CDC27: variants seen among roughly 807,000 people sequenced by gnomAD.
The protein encoded by CDC27 is cell division cycle 27, also known as cell division cycle protein 27 homolog.
Under a neutral mutation model 109.7 loss-of-function variants are expected in CDC27, and 27 were observed. The ratio of observed to expected loss-of-function variants is 0.25; its 90% CI spans 0.18 to 0.34. The LOEUF (loss-of-function observed/expected upper bound fraction) is 0.34. CDC27 is among the 10% of genes least tolerant of loss of function. CDC27 has a pLI of 1.00. For synonymous variants in CDC27, 266 were observed against 333.9 expected, an observed-to-expected ratio of 0.80 and a Z score of 2.22; for missense variants, 579 against 960.2, an observed-to-expected ratio of 0.60 and a Z score of 5.25.
At position 47,158,195 on chromosome 17, in the gene CDC27, C is replaced by T. The variant is rs2063377608; in HGVS notation, c.475+11G>A. The T allele has an allele frequency of 1.5e-6, 2 of 1,378,574 alleles. No homozygotes were observed. Among genetic ancestry groups the T allele is most frequent in the East Asian group, 2.5e-5 (1 of 39,220 alleles). The allele number at this position is 1,378,574 out of a possible 1,614,324, so 85.4% of individuals were successfully genotyped here. A position where few individuals can be genotyped will look rare whatever the true frequency, so the allele number is the denominator to read the frequency against. On this transcript the variant is annotated intron_variant, in intron 5 of 18. Coordinates refer to ENST00000066544, the MANE Select transcript of CDC27 (RefSeq NM_001256.6). ...TGGGAACCCACCCACCTCTCAACCC[C>T]ACCCACCTACCTATTTCACATAATG... is the stretch of plus-strand genomic sequence containing the variant.
chr17:47,160,000 T>TC (rs2063447497), intron 4 of CDC27: 1 of 232,562 alleles, frequency 4.3e-6, no homozygotes, highest in African/African-American at 2.4e-5. Context: ...AACCTCTGCT[T>TC]CTTTTTTTTT....
chr17:47,122,973 A>G (rs1025556289), intron 17 of CDC27, among the ~76,000 whole-genome samples: 9 of 151,988 alleles, frequency 5.9e-5, no homozygotes, highest in Non-Finnish European at 1.3e-4. Flanking sequence ...AGCCTCTACA[A>G]TTCTAAATAT....
chr17:47,128,446 A>G (rs551849059), intron 16 of CDC27, among the ~76,000 whole-genome samples: 1 of 152,278 alleles, frequency 6.6e-6, no homozygotes, highest in African/African-American at 2.4e-5. Flanking sequence ...TCTTTTTTCA[A>G]TACTTGTTTC....
At chr17:47,133,939 C>T (rs888007258) in intron 14 of CDC27, among the ~76,000 whole-genome samples, 4 of 152,004 alleles carry the variant, frequency 2.6e-5, no homozygotes, top group Non-Finnish European at 4.4e-5. Flanking sequence ...TTAGTAGAGA[C>T]GAGGTTTCCC....
At chr17:47,147,435 A>C (rs572051699) in intron 9 of CDC27, among the ~76,000 whole-genome samples, 5,104 of 152,032 alleles carry the variant, frequency 0.034, 142 homozygotes, top group Non-Finnish European at 0.043. Flanking sequence ...AAACAAAAAA[A>C]AAAACACTAG....
At chr17:47,135,720 T>C (rs1464427082) in intron 14 of CDC27, among the ~76,000 whole-genome samples, 2 of 152,118 alleles carry the variant, frequency 1.3e-5, no homozygotes, top group Non-Finnish European at 2.9e-5. Context: ...CAATTTTTGA[T>C]ATGGTTAAGT....
rs1233100430 is a variant in CDC27, at chr17:47,189,069, G to C, written c.27+77C>G. ...AAGCAGCCGGGCCTAGGCCGCACCA[G>C]GCCGCGGAGTGGCCCTACGCTGCTG... On this transcript the variant is annotated intron_variant, in intron 1 of 18. Transcript: ENST00000066544. The C allele has an allele frequency of 3.9e-6, 6 of 1,545,586 alleles. No individual in the cohort carries two copies. In the African/African-American group the frequency reaches 6.8e-5, roughly 18 times the overall value.
chr17:47,142,966 G>A (rs965804901), intron 10 of CDC27, among the ~76,000 whole-genome samples: 4 of 151,872 alleles, frequency 2.6e-5, no homozygotes, highest in African/African-American at 7.3e-5. Context: ...ATGAGCCACC[G>A]TGCCCGGCCT....
rs886299325 is a variant in CDC27 at position 47,143,976 on chromosome 17, T to C, written c.1077A>G (p.Thr359=). Residue 359 remains threonine (T), a synonymous_variant, in exon 10 of 19, where the codon ACA becomes ACG. Coordinates refer to ENST00000066544, the MANE Select transcript of CDC27 (RefSeq NM_001256.6). The stretch of plus-strand genomic sequence containing the variant: ...TAATAGTGGGGCTCAATACCTGAGG[T>C]GTTGTACTAAAAAAAAATTATAAAG... The part of the protein sequence containing the change: ...TQSSGPQTST[T]PQVLSPTITS... The C allele has an allele frequency of 9.9e-6, 14 of 1,418,252 alleles. No homozygotes were observed. The highest frequency in any genetic ancestry group is 1.3e-5 in the Non-Finnish European group (14 of 1,072,832). The allele number at this position is 1,418,252 out of a possible 1,614,324, so 87.9% of individuals were successfully genotyped here.
intron 2 of CDC27, among the ~76,000 whole-genome samples, chr17:47,179,709 A>G (rs2064151512): frequency 6.6e-6 from 1 of 152,176 alleles, no homozygotes; most frequent in African/African-American, 2.4e-5. Context: ...ATATGGTTAA[A>G]CCGAATGGTG....
Position 47,169,954 on chromosome 17 carries a change from C to T in CDC27, c.340G>A (p.Ala114Thr). 1.1e-5 allele frequency: 17 copies of T among 1,598,030 alleles called. No homozygotes were observed. The highest frequency in any genetic ancestry group is 1.4e-5 in the Non-Finnish European group (17 of 1,172,806). The change falls in exon 4 of 19, where the codon GCT becomes ACT. Residue 114 changes from alanine to threonine, a missense_variant. Physicochemically the swap from Ala to Thr is moderately conservative, Grantham distance 58. This residue lies in a region of CDC27 where 52 missense variants were observed against 63.4 expected (regional missense o/e 0.82). Transcript: ENST00000066544. ...DDIVTEFGDSACFTLSLLGHV... is the reference protein window; with the variant it reads ...DDIVTEFGDSTCFTLSLLGHV... ...CCCAACAATGAAAGAGTAAAGCAAGCTGAATCACCAAACTCAGTAACAATA... is the reference window on the plus strand; with the variant it reads ...CCCAACAATGAAAGAGTAAAGCAAGTTGAATCACCAAACTCAGTAACAATA...
chr17:47,133,690 G>T (rs546596940), intron 14 of CDC27, among the ~76,000 whole-genome samples: 70 of 150,852 alleles, frequency 4.6e-4, no homozygotes, highest in African/African-American at 1.4e-3. Flanking sequence ...CGCCCGCCTC[G>T]GCCTCGGCCT....
intron 2 of CDC27, among the ~76,000 whole-genome samples, chr17:47,176,509 G>C (rs1364944289): frequency 6.6e-6 from 1 of 152,158 alleles, no homozygotes; most frequent in Non-Finnish European, 1.5e-5. Context: ...AAATAAAAGA[G>C]GGCTGGAAGA....
chr17:47,153,353 T>G (rs1056152216), intron 8 of CDC27, among the ~76,000 whole-genome samples: 1 of 152,198 alleles, frequency 6.6e-6, no homozygotes, highest in Non-Finnish European at 1.5e-5. Context: ...GCTCTTCTAG[T>G]TTTGGCCTAC....
intron 4 of CDC27, among the ~76,000 whole-genome samples, chr17:47,162,368 A>G (rs757855361): frequency 6.6e-6 from 1 of 152,212 alleles, no homozygotes; most frequent in East Asian, 1.9e-4. Context: ...CTTCTGTCTC[A>G]TAATACTAAC....
chr17:47,176,575 A>G (rs2064018548), intron 2 of CDC27, among the ~76,000 whole-genome samples: 1 of 152,212 alleles, frequency 6.6e-6, no homozygotes, highest in African/African-American at 2.4e-5. Flanking sequence ...ATGAGGAGAA[A>G]AAAGATGGCC....
intron 9 of CDC27, among the ~76,000 whole-genome samples, chr17:47,145,150 A>G (rs1029460540): frequency 6.6e-6 from 1 of 152,238 alleles, no homozygotes; most frequent in African/African-American, 2.4e-5. Flanking sequence ...TGAACCAAAT[A>G]TATGGAACAA....
chr17:47,118,213 A>G lies in CDC27; in HGVS notation c.*2722T>C, dbSNP rs1032498313. ...CTTCCAAACTTTTTTCTTCAAAAAG[A>G]GCATTTTTAATAGACTAAATACTGG... On this transcript the variant is annotated 3_prime_UTR_variant, in exon 19 of 19. Coordinates refer to ENST00000066544, the MANE Select transcript of CDC27 (RefSeq NM_001256.6). 5 of 152,236 alleles carry G rather than the reference A, an allele frequency of 3.3e-5. No homozygotes were observed. The highest frequency in any genetic ancestry group is 1.2e-4 in the African/African-American group (5 of 41,468). 9.4% of individuals were successfully genotyped at this position (152,236 alleles called of 1,614,324 possible).
chr17:47,153,061 G>A (rs11079760), intron 8 of CDC27, among the ~76,000 whole-genome samples: 16,405 of 152,048 alleles, frequency 0.11, 1,303 homozygotes, highest in East Asian at 0.47. Flanking sequence ...GCCTTCCTCC[G>A]CCTTTTCCAA....
Sources: gnomAD v4.1 joint callset for allele counts (sites outside exome capture counted in the v4.1 genomes callset) on GRCh38, gnomAD v4.1.1 for gene constraint, gnomAD v4.1.1 regional missense constraint, MANE v1.5 for transcripts, NCBI Gene and HGNC (gene_info 2026-07-23, HGNC 2026-07-21) for gene names.